Variants in PRKN observed in about 807,000 individuals in gnomAD.
PRKN encodes the protein E3 ubiquitin-protein ligase parkin.
Under a neutral mutation model 59.5 loss-of-function variants are expected in PRKN, and 56 were observed. The observed-to-expected ratio is 0.94, with a 90% CI of 0.76 to 1.18. The LOEUF (loss-of-function observed/expected upper bound fraction) is 1.18, where lower values mean the gene tolerates loss of function less well. Among genes scored for constraint, PRKN ranks in the 50% most tolerant of loss-of-function variants. The pLI, the probability that PRKN is intolerant of heterozygous loss-of-function variation, is 0.00. For synonymous variants in PRKN, 250 were observed against 222.1 expected (o/e 1.13, Z -1.12); for missense variants, 657 against 596.4 (o/e 1.10, Z -1.06).
chr6:161,820,214 A>G (rs1037661893), intron 6 of PRKN, among the ~76,000 whole-genome samples: 1 of 151,908 alleles, frequency 6.6e-6, no homozygotes, highest in Non-Finnish European at 1.5e-5. Flanking sequence ...TAAAAATTCA[A>G]TGGTAGTTAG....
intron 4 of PRKN, among the ~76,000 whole-genome samples, chr6:162,137,743 C>G (rs974458068): frequency 6.6e-6 from 1 of 152,162 alleles, no homozygotes; most frequent in African/African-American, 2.4e-5. Flanking sequence ...CCTGAGATAA[C>G]AAACTTACTC....
At position 161,480,359 on chromosome 6, in the gene PRKN, T is replaced by TGTGTG. The variant is rs1305252575; in HGVS notation, c.1083+68494_1083+68495insCACAC. On this transcript the variant is annotated intron_variant, in intron 9 of 11. Coordinates refer to ENST00000366898, the MANE Select transcript of PRKN (RefSeq NM_004562.3). The surrounding 1 kb of genome is among the most constrained non-coding windows in gnomAD (Gnocchi z 4.1). ...GTGAGTATGGGGCCCTGTGTGACTG[T>TGTGTG]ACAGGTCGCACACTCCAAGCTGGCC... is the stretch of plus-strand genomic sequence containing the variant. Among the ~76,000 whole-genome samples the TGTGTG allele has an allele frequency of 6.6e-6, 1 of 152,118 alleles. No individual in the cohort carries two copies. The highest frequency in any genetic ancestry group is 1.5e-5 in the Non-Finnish European group (1 of 68,008).
intron 1 of PRKN, among the ~76,000 whole-genome samples, chr6:162,723,003 C>T (rs1042315696): frequency 6.6e-6 from 1 of 152,158 alleles, no homozygotes; most frequent in Non-Finnish European, 1.5e-5. Context: ...TGGTTTTCAT[C>T]AACTTATCAA....
chr6:162,488,466 A>G (rs1792658012), intron 1 of PRKN, among the ~76,000 whole-genome samples: 1 of 152,190 alleles, frequency 6.6e-6, no homozygotes, highest in Non-Finnish European at 1.5e-5. Flanking sequence ...CTCCAGCTGC[A>G]GCGCCATACC....
chr6:162,603,428 G>A (rs1306866401), intron 1 of PRKN, among the ~76,000 whole-genome samples: 1 of 152,118 alleles, frequency 6.6e-6, no homozygotes, highest in Non-Finnish European at 1.5e-5. Context: ...CTGTAGAGCT[G>A]TGCTGGAACC....
intron 7 of PRKN, among the ~76,000 whole-genome samples, chr6:161,746,443 C>T (rs1788416877): frequency 6.6e-6 from 1 of 151,512 alleles, no homozygotes; most frequent in Admixed American, 6.6e-5. Flanking sequence ...ATCCCCAAGC[C>T]TAATGCTCAA....
At chr6:161,882,626 G>A (rs1314047348) in intron 6 of PRKN, among the ~76,000 whole-genome samples, 3 of 152,204 alleles carry the variant, frequency 2.0e-5, no homozygotes, top group African/African-American at 7.2e-5. Context: ...ACAGTCACTG[G>A]AGTCAAATAT....
chr6:162,424,007 C>T (rs1289734567), intron 2 of PRKN, among the ~76,000 whole-genome samples: 1 of 152,100 alleles, frequency 6.6e-6, no homozygotes, highest in Non-Finnish European at 1.5e-5. Flanking sequence ...CCAGCGTGTC[C>T]TCATAGGGTG....
intron 5 of PRKN, among the ~76,000 whole-genome samples, chr6:162,025,182 A>AT (rs1349984681): frequency 2.0e-5 from 3 of 151,550 alleles, no homozygotes; most frequent in Non-Finnish European, 4.4e-5. Flanking sequence ...CGCCTGGCTA[A>AT]TTTTTTGTAT....
intron 5 of PRKN, among the ~76,000 whole-genome samples, chr6:161,989,221 C>A (rs1316876021): frequency 6.6e-6 from 1 of 152,146 alleles, no homozygotes; most frequent in Non-Finnish European, 1.5e-5. Flanking sequence ...TATCCTGACA[C>A]TTTGAAATAA....
chr6:162,398,398 T>TTTTA (rs150676939), intron 2 of PRKN, among the ~76,000 whole-genome samples: 3 of 151,124 alleles, frequency 2.0e-5, no homozygotes, highest in African/African-American at 7.3e-5. Flanking sequence ...TCTTTTTGTT[T>TTTTA]TTTTTTTTTG....
intron 2 of PRKN, among the ~76,000 whole-genome samples, chr6:162,313,315 C>T (rs1462987080): frequency 1.3e-5 from 2 of 152,076 alleles, no homozygotes; most frequent in African/African-American, 4.8e-5. Context: ...ACCTTCTAGT[C>T]TCTATGAATT....
intron 1 of PRKN, among the ~76,000 whole-genome samples, chr6:162,672,622 G>A (rs957712063): frequency 6.6e-6 from 1 of 151,810 alleles, no homozygotes; most frequent in Non-Finnish European, 1.5e-5. Flanking sequence ...TGTAAATTCT[G>A]TAGTAAACCA....
chr6:161,358,137 G>T (rs1362840629), intron 11 of PRKN, among the ~76,000 whole-genome samples: 1 of 152,140 alleles, frequency 6.6e-6, no homozygotes, highest in South Asian at 2.1e-4. Context: ...GGGGGTGTGG[G>T]TGTGTTTGCC....
In PRKN at chr6:161,352,741, G is replaced by A. The variant is rs1174103337; in HGVS notation, c.1286-2530C>T. 7.3e-6 allele frequency among the ~76,000 whole-genome samples: 1 copy of A among 137,660 alleles called. No individual in the cohort carries two copies. Among genetic ancestry groups the A allele is most frequent in the African/African-American group, 3.0e-5 (1 of 33,362 alleles). 90.3% of individuals were successfully genotyped at this position (137,660 alleles called of 152,430 possible). On this transcript the variant is annotated intron_variant, in intron 11 of 11. Coordinates refer to ENST00000366898, the MANE Select transcript of PRKN (RefSeq NM_004562.3). This position sits in a 1 kb window ranked among gnomAD's most constrained non-coding sequence, Gnocchi z 5.8. The stretch of plus-strand genomic sequence containing the variant: ...ATGTATGAAGAGTGTGTGTGTGTGT[G>A]TGTGTGTGTGTGTGTATATATATAT...
chr6:161,511,496 T>C lies in PRKN; in HGVS notation c.1083+37358A>G, dbSNP rs185663110. Among the ~76,000 whole-genome samples the C allele has an allele frequency of 3.9e-5, 6 of 152,320 alleles. No individual in the cohort carries two copies. In the East Asian group the frequency reaches 1.2e-3, roughly 29 times the overall value. Reference sequence around the variant, plus strand: ...ATAAGGATAAAGAAAATAAGTATTATGAAGGATGAGCAAAATAATAATGCA... The same window carrying C: ...ATAAGGATAAAGAAAATAAGTATTACGAAGGATGAGCAAAATAATAATGCA... On this transcript the variant is annotated intron_variant, in intron 9 of 11. Coordinates refer to ENST00000366898, the MANE Select transcript of PRKN (RefSeq NM_004562.3).
chr6:162,470,590 CA>C (rs138799307), intron 1 of PRKN, among the ~76,000 whole-genome samples: 20,860 of 151,526 alleles, frequency 0.14, 1,676 homozygotes, highest in Non-Finnish European at 0.18. Flanking sequence ...AACTCTGTCT[CA>C]AAAAAAAGTA....
intron 1 of PRKN, among the ~76,000 whole-genome samples, chr6:162,641,204 A>C (rs1777945102): frequency 6.6e-6 from 1 of 152,176 alleles, no homozygotes; most frequent in Non-Finnish European, 1.5e-5. Context: ...TTCTCACAAT[A>C]GTTTGAGGTA....
chr6:162,454,085 A>G (rs1790751927), intron 1 of PRKN, among the ~76,000 whole-genome samples: 1 of 152,204 alleles, frequency 6.6e-6, no homozygotes, highest in South Asian at 2.1e-4. Context: ...TCTACCTCCT[A>G]AAGTTGTTGT....
Sources: gnomAD v4.1 joint callset for allele counts (sites outside exome capture counted in the v4.1 genomes callset) on GRCh38, gnomAD v4.1.1 for gene constraint, Gnocchi (gnomAD v3.1) non-coding constraint, MANE v1.5 for transcripts, NCBI Gene and HGNC (gene_info 2026-07-23, HGNC 2026-07-21) for gene names.